The following KIRREL3 variants were observed in gnomAD, a reference collection of about 807,000 sequenced individuals.
KIRREL3 encodes kin of IRRE-like protein 3.
In KIRREL3, 36 loss-of-function variants were observed where a neutral mutation model predicts 89.7. The ratio of observed to expected loss-of-function variants is 0.40; its 90% CI spans 0.31 to 0.53. The LOEUF (loss-of-function observed/expected upper bound fraction) is 0.53, where lower values mean the gene tolerates loss of function less well. Among genes scored for constraint, KIRREL3 ranks in the 20% least tolerant of loss-of-function variants. KIRREL3 has a pLI of 0.49. For synonymous variants in KIRREL3, 445 were observed against 441.4 expected (o/e 1.01, Z -0.10); for missense variants, 864 against 1,056.6 (o/e 0.82, Z 2.53).
chr11:126,981,186 C>A lies in KIRREL3; in HGVS notation c.55+19269G>T, dbSNP rs895942632. ...ACAAACTGTCACCTGGATTTTTAGACAAAAGAAGGAAAGCATGGCCCGTTG... is the reference window on the plus strand; with the variant it reads ...ACAAACTGTCACCTGGATTTTTAGAAAAAAGAAGGAAAGCATGGCCCGTTG... On this transcript the variant is annotated intron_variant, in intron 1 of 16. Coordinates refer to ENST00000525144, the MANE Select transcript of KIRREL3 (RefSeq NM_032531.4). This position sits in a 1 kb window ranked among gnomAD's most constrained non-coding sequence, Gnocchi z 4.2. 6.6e-6 allele frequency among the ~76,000 whole-genome samples: 1 copy of A among 152,206 alleles called. No homozygotes were observed. Among genetic ancestry groups the A allele is most frequent in the Non-Finnish European group, 1.5e-5 (1 of 68,036 alleles).
At chr11:126,482,343 C>CTTGAAGGTTTG (rs1957243973) in intron 4 of KIRREL3, among the ~76,000 whole-genome samples, 1 of 152,186 alleles carries the variant, frequency 6.6e-6, no homozygotes, top group Non-Finnish European at 1.5e-5. Flanking sequence ...CGGGCCTGCC[C>CTTGAAGGTTTG]CTTTCCTTTT....
chr11:126,525,280 T>A lies in KIRREL3; in HGVS notation c.283+1258A>T, dbSNP rs1325842920. Among the ~76,000 whole-genome samples the A allele has an allele frequency of 6.6e-6, 1 of 152,210 alleles. No individual in the cohort carries two copies. The highest frequency in any genetic ancestry group is 2.4e-5 in the African/African-American group (1 of 41,460). ...AGCGCTCATCCCAGCTCGGAGCCAT[T>A]CAGTGCATGAACTATTCTAGTTTGG... On this transcript the variant is annotated intron_variant, in intron 3 of 16. Transcript: ENST00000525144. This position sits in a 1 kb window ranked among gnomAD's most constrained non-coding sequence, Gnocchi z 5.4.
rs73633791 is a variant in KIRREL3 at position 126,537,170 on chromosome 11, C to T, written c.134-10483G>A. The stretch of plus-strand genomic sequence containing the variant: ...CTAATATAAGGATGGAAATGCTTGT[C>T]CTTGCTTCTAAGGAGCCTGGTGCTG... On this transcript the variant is annotated intron_variant, in intron 2 of 16. Coordinates refer to ENST00000525144, the MANE Select transcript of KIRREL3 (RefSeq NM_032531.4). This position sits in a 1 kb window ranked among gnomAD's most constrained non-coding sequence, Gnocchi z 4.3. 8.7e-3 allele frequency among the ~76,000 whole-genome samples: 1,332 copies of T among 152,270 alleles called. 22 individuals are homozygous for T. The highest frequency in any genetic ancestry group is 0.03 in the African/African-American group (1,257 of 41,550).
chr11:126,830,190 C>T lies in KIRREL3; in HGVS notation c.55+170265G>A, dbSNP rs926502602. ...GAATGAACAACCCTTGCTAATCACTCTGGTCAATATTTATCATAGGTACAT... is the reference window on the plus strand; with the variant it reads ...GAATGAACAACCCTTGCTAATCACTTTGGTCAATATTTATCATAGGTACAT... On this transcript the variant is annotated intron_variant, in intron 1 of 16. Transcript: ENST00000525144. This position sits in a 1 kb window ranked among gnomAD's most constrained non-coding sequence, Gnocchi z 4.9. 6.6e-6 allele frequency among the ~76,000 whole-genome samples: 1 copy of T among 152,170 alleles called. No homozygotes were observed. The highest frequency in any genetic ancestry group is 2.4e-5 in the African/African-American group (1 of 41,442).
Position 126,450,287 on chromosome 11 carries a change from G to A in KIRREL3, c.849-1130C>T, listed in dbSNP as rs565931449. 6.6e-5 allele frequency among the ~76,000 whole-genome samples: 10 copies of A among 151,068 alleles called. No homozygotes were observed. In the South Asian group the frequency reaches 1.1e-3, roughly 16 times the overall value. ...TGTGTGTGCATGTGTGAGCATGTGC[G>A]TGTGTGCATGTGTGAGTGTGCCCAT... On this transcript the variant is annotated intron_variant, in intron 7 of 16. Transcript: ENST00000525144.
intron 2 of KIRREL3, among the ~76,000 whole-genome samples, chr11:126,552,559 T>A (rs1289016661): frequency 3.9e-5 from 3 of 76,916 alleles, no homozygotes; most frequent in African/African-American, 1.7e-4. Flanking sequence ...AGTTTTTTTT[T>A]TTTTTTTTTT....
chr11:126,444,137 T>C (rs1293654708), intron 10 of KIRREL3, among the ~76,000 whole-genome samples: 1 of 152,190 alleles, frequency 6.6e-6, no homozygotes, highest in East Asian at 1.9e-4. Flanking sequence ...ATATTTCATG[T>C]AACAGTCATT....
chr11:126,667,698 T>C (rs1240727726), intron 1 of KIRREL3, among the ~76,000 whole-genome samples: 1 of 152,214 alleles, frequency 6.6e-6, no homozygotes, highest in Non-Finnish European at 1.5e-5. Flanking sequence ...GAGACCCTTC[T>C]TGGGGCCTCA....
intron 5 of KIRREL3, among the ~76,000 whole-genome samples, chr11:126,468,172 C>T (rs1311163779): frequency 2.0e-5 from 3 of 152,200 alleles, no homozygotes; most frequent in Non-Finnish European, 2.9e-5. Context: ...CCTCCTCTTC[C>T]GTAACCCATC....
At chr11:126,629,787 G>A (rs1478589067) in intron 1 of KIRREL3, among the ~76,000 whole-genome samples, 2 of 152,178 alleles carry the variant, frequency 1.3e-5, no homozygotes, top group East Asian at 3.9e-4. Flanking sequence ...AGTCCACAGT[G>A]CCTGGTAAAG....
At chr11:126,678,939 C>T (rs1591944756) in intron 1 of KIRREL3, among the ~76,000 whole-genome samples, 1 of 152,338 alleles carries the variant, frequency 6.6e-6, no homozygotes, top group Non-Finnish European at 1.5e-5. Context: ...AAGCCGCTCC[C>T]AACTTCCTGC....
At chr11:126,467,605 T>C (rs1956767250) in intron 5 of KIRREL3, among the ~76,000 whole-genome samples, 1 of 150,932 alleles carries the variant, frequency 6.6e-6, no homozygotes, top group African/African-American at 2.4e-5. Context: ...TCCCCGCTAC[T>C]CACCTTCCCC....
chr11:126,923,133 T>TCTCCTTCTCCTTCTCCTTCTCCTTCTC (rs1565422701), intron 1 of KIRREL3, among the ~76,000 whole-genome samples: 1 of 13,820 alleles, frequency 7.2e-5, no homozygotes, highest in African/African-American at 4.4e-4. Flanking sequence ...CTTCTTCTCT[T>TCTCCTTCTCCTTCTCCTTCTCCTTCTC]CTTCTTCTTC....
At chr11:126,868,260 AC>A (rs1286648571) in intron 1 of KIRREL3, among the ~76,000 whole-genome samples, 8 of 82 alleles carry the variant, frequency 0.098, no homozygotes, top group African/African-American at 0.25. Context: ...AAGAAGCTGC[AC>A]CAGTGCGGTC....
rs55838363 is a variant in KIRREL3 at position 126,521,676 on chromosome 11, ATGTGTG to A, written c.284-218_284-213del. On this transcript the variant is annotated intron_variant, in intron 3 of 16. Transcript: ENST00000525144. This position sits in a 1 kb window ranked among gnomAD's most constrained non-coding sequence, Gnocchi z 4.1. ...GTTGGTTCTCTCTCTCTCTCTCTGTATGTGTGTGTGTGTGTGTGTGTGTGTGTGTGT... is the reference window on the plus strand; with the variant it reads ...GTTGGTTCTCTCTCTCTCTCTCTGTATGTGTGTGTGTGTGTGTGTGTGTGT... Among the ~76,000 whole-genome samples the A allele has an allele frequency of 0.094, 13,443 of 142,598 alleles. 685 individuals carry two copies. Among genetic ancestry groups the A allele is most frequent in the Non-Finnish European group, 0.13 (8,791 of 65,350 alleles). 93.5% of individuals were successfully genotyped at this position (142,598 alleles called of 152,430 possible). A position where few individuals can be genotyped will look rare whatever the true frequency, so the allele number is the denominator to read the frequency against.
At chr11:126,488,897 G>T (rs1957436818) in intron 4 of KIRREL3, among the ~76,000 whole-genome samples, 1 of 152,206 alleles carries the variant, frequency 6.6e-6, no homozygotes, top group African/African-American at 2.4e-5. Flanking sequence ...CCCGTCTCCA[G>T]CCAGGAAGAC....
intron 2 of KIRREL3, among the ~76,000 whole-genome samples, chr11:126,552,401 C>G (rs1939335385): frequency 6.6e-6 from 1 of 152,122 alleles, no homozygotes. Flanking sequence ...GGTGAAGGCA[C>G]CTCCCACCCC....
At chr11:126,559,071 A>G (rs748493380) in intron 2 of KIRREL3, among the ~76,000 whole-genome samples, 7 of 151,850 alleles carry the variant, frequency 4.6e-5, no homozygotes, top group Non-Finnish European at 8.8e-5. Context: ...AAGAAGGGAA[A>G]CTACCCCTGG....
chr11:126,691,635 T>C (rs1946882118), intron 1 of KIRREL3, among the ~76,000 whole-genome samples: 1 of 152,216 alleles, frequency 6.6e-6, no homozygotes, highest in African/African-American at 2.4e-5. Context: ...TAAAACTTTG[T>C]TTGAAAAAAG....
Sources: gnomAD v4.1 joint callset for allele counts (sites outside exome capture counted in the v4.1 genomes callset) on GRCh38, gnomAD v4.1.1 for gene constraint, Gnocchi (gnomAD v3.1) non-coding constraint, MANE v1.5 for transcripts, NCBI Gene and HGNC (gene_info 2026-07-23, HGNC 2026-07-21) for gene names.